PLSCR5: variants seen among roughly 807,000 people sequenced by gnomAD.
PLSCR5 encodes phospholipid scramblase family, member 5.
PLSCR5 carries 44 observed loss-of-function variants against 33.6 expected under a neutral mutation model. The ratio of observed to expected loss-of-function variants is 1.31; its 90% CI spans 1.03 to 1.69. PLSCR5 has a LOEUF of 1.69. Ranked by LOEUF, PLSCR5 falls within the 40% of genes most tolerant of loss-of-function variation. The probability of loss-of-function intolerance (pLI) is 0.00; values close to 1 mark genes in which losing one functional copy is unlikely to be tolerated. For synonymous variants in PLSCR5, 148 were observed against 112.3 expected, an observed-to-expected ratio of 1.32 and a Z score of -2.01; for missense variants, 375 against 318.7, an observed-to-expected ratio of 1.18 and a Z score of -1.34.
chr3:146,578,012 A>G (rs78910593), intron 7 of PLSCR5, among the ~76,000 whole-genome samples: 2,183 of 152,276 alleles, frequency 0.014, 57 homozygotes, highest in African/African-American at 0.051. Flanking sequence ...ATAATTAAAA[A>G]TATGGTATAG....
intron 3 of PLSCR5, 100 bp from the exon 4 acceptor site, chr3:146,594,240 A>G: frequency 1.2e-6 from 1 of 808,220 alleles, no homozygotes; most frequent in Non-Finnish European, 1.9e-6. Context: ...GTGTCTGATC[A>G]ATTATTAAAT....
chr3:146,599,615 G>A (rs115325609), intron 2 of PLSCR5, among the ~76,000 whole-genome samples: 2,086 of 150,608 alleles, frequency 0.014, 40 homozygotes, highest in African/African-American at 0.047. Context: ...GCAAGCACTC[G>A]ACAAATATTC....
At chr3:146,597,214 A>G (rs1020966897) in intron 2 of PLSCR5, among the ~76,000 whole-genome samples, 4 of 152,182 alleles carry the variant, frequency 2.6e-5, no homozygotes, top group Admixed American at 2.0e-4. Context: ...ATATCCAACA[A>G]TAACAGTTTT....
At chr3:146,604,456 T>C (rs1036606914) in intron 1 of PLSCR5, among the ~76,000 whole-genome samples, 1 of 152,144 alleles carries the variant, frequency 6.6e-6, no homozygotes, top group African/African-American at 2.4e-5. Context: ...TATTTTCTGT[T>C]TGTTTTCTAT....
rs780470028 is a variant in PLSCR5, at chr3:146,594,139, C to T, written c.234G>A (p.Met78Ile). ...TGTTGGAGGTCTCAGTACCAAGTATCACTAATGGAACAAAAAAAAAATTAT... is the reference window on the plus strand; with the variant it reads ...TGTTGGAGGTCTCAGTACCAAGTATTACTAATGGAACAAAAAAAAAATTAT... ...IIHQQVELLG[M>I]ILGTETSNKY... Residue 78 changes from methionine (M) to isoleucine (I), a missense_variant and splice_region_variant, in exon 4 of 8, where the codon ATG (methionine) becomes ATA (isoleucine). By Grantham distance (10) the Met-to-Ile change is conservative. Transcript: ENST00000443512. 3.7e-6 allele frequency: 6 copies of T among 1,601,890 alleles called. No homozygotes were observed. In the South Asian group the frequency reaches 5.5e-5, roughly 15 times the overall value.
At chr3:146,591,682 G>A (rs1355324549) in intron 5 of PLSCR5, 38 bp downstream of exon 5, 20 of 1,566,576 alleles carry the variant, frequency 1.3e-5, no homozygotes, top group Non-Finnish European at 1.7e-5. Context: ...AAAAAATCAG[G>A]ACCTAAATGA....
chr3:146,589,766 A>G lies in PLSCR5; in HGVS notation c.664T>C (p.Trp222Arg). 1 of 1,585,870 alleles carries G rather than the reference A, an allele frequency of 6.3e-7. No homozygotes were observed. Among genetic ancestry groups the G allele is most frequent in the Non-Finnish European group, 8.6e-7 (1 of 1,159,000 alleles). The change falls in exon 6 of 8, where the codon TGG becomes CGG. Residue 222 changes from tryptophan to arginine, a missense_variant. Physicochemically the swap from Trp to Arg is moderately radical, Grantham distance 101. Coordinates refer to ENST00000443512, the MANE Select transcript of PLSCR5 (RefSeq NM_001085420.2). ...KLTIGKISKY[W>R]SGFVNDVFTN... is the part of the protein sequence containing the mutation. ...AAGACATCATTTACAAATCCTGACC[A>G]GTACTTTGAAATCTTCCCAATTGTA... is the stretch of plus-strand genomic sequence containing the variant.
At chr3:146,600,948 T>C (rs1319811175) in intron 1 of PLSCR5, among the ~76,000 whole-genome samples, 2 of 148,310 alleles carry the variant, frequency 1.3e-5, no homozygotes, top group African/African-American at 4.9e-5. Context: ...CAGTAATACA[T>C]GTCTATATAT....
At chr3:146,578,186 TC>T (rs1279425143) in intron 7 of PLSCR5, among the ~76,000 whole-genome samples, 1 of 92,856 alleles carries the variant, frequency 1.1e-5, no homozygotes, top group Non-Finnish European at 2.1e-5. Flanking sequence ...ATTTTCCAAA[TC>T]TTTTATGTTT....
downstream of PLSCR5, among the ~76,000 whole-genome samples, chr3:146,583,951 A>G (rs1438895277): frequency 6.6e-6 from 1 of 152,226 alleles, no homozygotes; most frequent in Non-Finnish European, 1.5e-5. Flanking sequence ...TATTTTAGAA[A>G]CCAAAAGTAA....
downstream of PLSCR5, among the ~76,000 whole-genome samples, chr3:146,581,093 G>A (rs2044630290): frequency 6.6e-6 from 1 of 152,142 alleles, no homozygotes; most frequent in Non-Finnish European, 1.5e-5. Flanking sequence ...CAGATAATCA[G>A]CAATAGCTTT....
At chr3:146,603,473 A>T (rs1200594170) in intron 1 of PLSCR5, among the ~76,000 whole-genome samples, 1 of 152,072 alleles carries the variant, frequency 6.6e-6, no homozygotes, top group East Asian at 1.9e-4. Context: ...TTGCAGAAGG[A>T]GGGTCAGTTT....
At chr3:146,588,448 G>C (rs1483579981) in intron 6 of PLSCR5, among the ~76,000 whole-genome samples, 1 of 152,060 alleles carries the variant, frequency 6.6e-6, no homozygotes, top group East Asian at 1.9e-4. Flanking sequence ...TCCAGCCTGG[G>C]TGACAGAGTG....
At chr3:146,591,608 CATTT>C in intron 5 of PLSCR5, 108 bp downstream of exon 5, 2 of 1,195,174 alleles carry the variant, frequency 1.7e-6, no homozygotes, top group Non-Finnish European at 2.4e-6. Flanking sequence ...ACAAATATGT[CATTT>C]TCTGAACTTA....
Position 146,600,444 on chromosome 3 carries a change from T to C in PLSCR5, c.33A>G (p.Arg11=), listed in dbSNP as rs2107859161. 1 of 1,596,796 alleles carries C rather than the reference T, an allele frequency of 6.3e-7. No individual in the cohort carries two copies. The highest frequency in any genetic ancestry group is 8.5e-7 in the Non-Finnish European group (1 of 1,169,750). MASKDAQNQR[R]GLPGFLPGAP... is the part of the protein sequence containing the mutation. The stretch of plus-strand genomic sequence containing the variant: ...CTCCAGGAAGAAAACCAGGCAGACC[T>C]CTTCTTTGGTTCTGGGCATCTGCAA... The change falls in exon 2 of 8, where the codon AGA becomes AGG. Residue 11 remains arginine, a synonymous_variant. Transcript: ENST00000443512.
intron 7 of PLSCR5, chr3:146,576,767 T>A (rs1424736956): frequency 6.7e-6 from 1 of 149,084 alleles, no homozygotes; most frequent in Non-Finnish European, 1.5e-5. Context: ...TGCTTAAAGA[T>A]AATAGGCTAG....
chr3:146,605,103 TTAAAGTACCAATC>T, intron 1 of PLSCR5, 84 bp downstream of exon 1: 1 of 1,244,102 alleles, frequency 8.0e-7, no homozygotes, highest in Non-Finnish European at 1.1e-6. Context: ...ATGACAGCTT[TTAAAGTACCAATC>T]TAACTGGTTG....
chr3:146,587,172 A>G (rs991354485), intron 6 of PLSCR5, among the ~76,000 whole-genome samples: 1 of 152,070 alleles, frequency 6.6e-6, no homozygotes, highest in Admixed American at 6.6e-5. Flanking sequence ...GTGGGATCTG[A>G]GATTCTTTGC....
At position 146,600,456 on chromosome 3, in the gene PLSCR5, C is replaced by T; in HGVS notation, c.21G>A (p.Gln7=). MASKDA[Q]NQRRGLPGFL... ...AACCAGGCAGACCTCTTCTTTGGTT[C>T]TGGGCATCTGCAAGAGAATGGAAAT... The change falls in exon 2 of 8, where the codon CAG becomes CAA. Residue 7 remains glutamine (Q), a synonymous_variant. Transcript: ENST00000443512. 4 of 1,580,896 alleles carry T rather than the reference C, an allele frequency of 2.5e-6. No homozygotes were observed. Among genetic ancestry groups the T allele is most frequent in the Non-Finnish European group, 3.4e-6 (4 of 1,160,624 alleles).
Sources: allele counts gnomAD v4.1 joint callset (sites outside exome capture counted in the v4.1 genomes callset), GRCh38; gene constraint gnomAD v4.1.1; transcripts MANE v1.5; gene names NCBI Gene and HGNC (gene_info 2026-07-23, HGNC 2026-07-21).